WDPCP: variants seen among roughly 807,000 people sequenced by gnomAD.
WDPCP encodes WD repeat-containing and planar cell polarity effector protein fritz homolog.
WDPCP carries 71 observed loss-of-function variants against 93.1 expected under a neutral mutation model. The observed-to-expected ratio is 0.76, with a 90% CI of 0.63 to 0.93. The LOEUF is 0.93. Among genes scored for constraint, WDPCP ranks in the 40% least tolerant of loss-of-function variants. The probability of loss-of-function intolerance (pLI) is 0.00; values close to 1 mark genes in which losing one functional copy is unlikely to be tolerated. For missense variants in WDPCP, 844 were observed against 887.4 expected (o/e 0.95, Z 0.62); for synonymous variants, 315 against 315.0 (o/e 1.00, Z 0.00).
chr2:63,741,222 T>C (rs1669709743), intron 2 of WDPCP, among the ~76,000 whole-genome samples: 1 of 152,156 alleles, frequency 6.6e-6, no homozygotes, highest in Non-Finnish European at 1.5e-5. Flanking sequence ...TCAAAAATAC[T>C]GAGACAAAGC....
At chr2:63,739,271 T>C (rs1669682350) in intron 2 of WDPCP, among the ~76,000 whole-genome samples, 1 of 152,152 alleles carries the variant, frequency 6.6e-6, no homozygotes, top group South Asian at 2.1e-4. Flanking sequence ...AGTAAGAACA[T>C]GTGGTATTTA....
intron 13 of WDPCP, among the ~76,000 whole-genome samples, chr2:63,283,694 T>G (rs890427083): frequency 2.0e-5 from 3 of 152,210 alleles, no homozygotes; most frequent in Non-Finnish European, 4.4e-5. Context: ...GCATCCCAAA[T>G]CTAAAAATCC....
chr2:63,792,426 C>T (rs1004670348), intron 2 of WDPCP, among the ~76,000 whole-genome samples: 2 of 152,272 alleles, frequency 1.3e-5, no homozygotes, highest in South Asian at 2.1e-4. Context: ...CCCACCAGGT[C>T]GCTCCCTCGA....
intron 14 of WDPCP, among the ~76,000 whole-genome samples, chr2:63,254,377 A>G (rs558704106): frequency 6.6e-6 from 1 of 152,300 alleles, no homozygotes; most frequent in African/African-American, 2.4e-5. Flanking sequence ...AAGCTAAAAT[A>G]AAAGTTGAAA....
intron 12 of WDPCP, among the ~76,000 whole-genome samples, chr2:63,324,884 T>C (rs569392830): frequency 1.2e-4 from 18 of 152,260 alleles, no homozygotes; most frequent in African/African-American, 4.1e-4. Context: ...CCACCATAAC[T>C]CAGGGAAAGG....
chr2:63,173,938 A>G (rs1013146698), intron 15 of WDPCP, among the ~76,000 whole-genome samples: 4 of 152,198 alleles, frequency 2.6e-5, no homozygotes, highest in Admixed American at 2.6e-4. Context: ...TAAACCAGGG[A>G]ACAGATCTGA....
chr2:63,188,828 C>T (rs751251506), intron 14 of WDPCP, among the ~76,000 whole-genome samples: 13 of 152,022 alleles, frequency 8.6e-5, no homozygotes, highest in Non-Finnish European at 1.8e-4. Flanking sequence ...AATTTTGTTC[C>T]TTTGGTCAGG....
rs78837483 is a variant in WDPCP at position 63,735,511 on chromosome 2, G to A, written n.308+78111C>T. Among the ~76,000 whole-genome samples, 220 of 152,314 alleles carry A rather than the reference G, an allele frequency of 1.4e-3. 1 individual carries two copies. The highest frequency in any genetic ancestry group is 6.8e-3 in the Middle Eastern group (2 of 294). Reference sequence around the variant, plus strand: ...GACAGTGCAAGGTCTTGGATGCCATGAGAAAGAGTTCATATTTTATATTGT... The same window carrying A: ...GACAGTGCAAGGTCTTGGATGCCATAAGAAAGAGTTCATATTTTATATTGT... On this transcript the variant is annotated intron_variant and non_coding_transcript_variant, in intron 2 of 4. Coordinates refer to the WDPCP transcript ENST00000467687.
chr2:63,549,455 A>T (rs1705407069), intron 1 of WDPCP, among the ~76,000 whole-genome samples: 1 of 152,112 alleles, frequency 6.6e-6, no homozygotes, highest in East Asian at 1.9e-4. Flanking sequence ...TTACCAAGTC[A>T]TTAGCATAAA....
chr2:63,748,351 TATA>T (rs1669830265), intron 2 of WDPCP, among the ~76,000 whole-genome samples: 1 of 151,954 alleles, frequency 6.6e-6, no homozygotes, highest in Non-Finnish European at 1.5e-5. Context: ...AACCACAAGA[TATA>T]ATATTTTCCT....
chr2:63,259,314 A>G lies in WDPCP; in HGVS notation c.1908T>C (p.Ser636=). 6.2e-7 allele frequency: 1 copy of G among 1,612,446 alleles called. No homozygotes were observed. Among genetic ancestry groups the G allele is most frequent in the Non-Finnish European group, 8.5e-7 (1 of 1,179,290 alleles). The change falls in exon 14 of 18, where the codon TCT becomes TCC. Residue 636 remains serine (S), a synonymous_variant. Transcript: ENST00000272321. ...AATAGCGTTAATTCTTACCAACCCC[A>G]GAGGTTATTGATTCTGCATCAATGT... ...ASDIDAESIT[S]GVELLGPLDR...
At chr2:63,682,668 TA>T (rs1668731550) in intron 2 of WDPCP, among the ~76,000 whole-genome samples, 1 of 151,782 alleles carries the variant, frequency 6.6e-6, no homozygotes, top group African/African-American at 2.4e-5. Flanking sequence ...GAGAAAGATA[TA>T]AATATCCAAG....
upstream of WDPCP, among the ~76,000 whole-genome samples, chr2:63,591,671 A>G (rs930391037): frequency 6.6e-6 from 1 of 152,202 alleles, no homozygotes; most frequent in Non-Finnish European, 1.5e-5. Flanking sequence ...ACCTTCCTTC[A>G]TTCAACAAAT....
Position 63,439,861 on chromosome 2 carries a change from C to G in WDPCP, c.395G>C (p.Gly132Ala), listed in dbSNP as rs1697389236. The change falls in exon 7 of 18, where the codon GGT (glycine) becomes GCT (alanine). Residue 132 changes from glycine to alanine, a missense_variant. Gly to Ala is a moderately conservative substitution (Grantham distance 60). Coordinates refer to ENST00000272321, the MANE Select transcript of WDPCP (RefSeq NM_015910.7). ...KNKYVCQLLF[G>A]SGVLVSLSLS... ...GCTTAGAGACACCAGCACACCTGAACCAAAAAGGAGCTAAAACCAGGTAAG... is the reference window on the plus strand; with the variant it reads ...GCTTAGAGACACCAGCACACCTGAAGCAAAAAGGAGCTAAAACCAGGTAAG... 2 of 1,612,754 alleles carry G rather than the reference C, an allele frequency of 1.2e-6. No homozygotes were observed. The highest frequency in any genetic ancestry group is 3.3e-5 in the Admixed American group (2 of 59,834).
intron 13 of WDPCP, among the ~76,000 whole-genome samples, chr2:63,287,944 A>C (rs191086094): frequency 6.6e-6 from 1 of 152,336 alleles, no homozygotes; most frequent in Admixed American, 6.5e-5. Context: ...CTTGTTTCAG[A>C]AGTTAGCAGG....
At chr2:63,147,905 T>C (rs1173973466) in intron 17 of WDPCP, among the ~76,000 whole-genome samples, 1 of 148,376 alleles carries the variant, frequency 6.7e-6, no homozygotes. Flanking sequence ...GAGGCAGAGG[T>C]TGCAGTGAGC....
chr2:63,380,630 G>C (rs1039672733), intron 11 of WDPCP, among the ~76,000 whole-genome samples: 10 of 152,090 alleles, frequency 6.6e-5, no homozygotes, highest in African/African-American at 2.4e-4. Context: ...GGCTAAGGCA[G>C]GAGAATCGCT....
At chr2:63,461,001 TG>T (rs941904775) in intron 6 of WDPCP, among the ~76,000 whole-genome samples, 1 of 152,176 alleles carries the variant, frequency 6.6e-6, no homozygotes, top group African/African-American at 2.4e-5. Context: ...AAAGCTTCTC[TG>T]GGAAGGCTTC....
chr2:63,503,506 T>C (rs1163791900), intron 1 of WDPCP, among the ~76,000 whole-genome samples: 1 of 151,952 alleles, frequency 6.6e-6, no homozygotes, highest in African/African-American at 2.4e-5. Context: ...CAAATAATAA[T>C]CATCATCATC....
Sources: allele counts gnomAD v4.1 joint callset (sites outside exome capture counted in the v4.1 genomes callset), GRCh38; gene constraint gnomAD v4.1.1; transcripts MANE v1.5; gene names NCBI Gene and HGNC (gene_info 2026-07-23, HGNC 2026-07-21).